ARRB1: variants seen among roughly 807,000 people sequenced by gnomAD.
The protein encoded by ARRB1 is beta-arrestin-1.
In ARRB1, 21 loss-of-function variants were observed where a neutral mutation model predicts 56.8. That is an observed-to-expected ratio of 0.37 (90% CI 0.26 to 0.53). The LOEUF (loss-of-function observed/expected upper bound fraction) is 0.53, where lower values mean the gene tolerates loss of function less well. Among genes scored for constraint, ARRB1 ranks in the 20% least tolerant of loss-of-function variants. The pLI is 0.88. For synonymous variants in ARRB1, 210 were observed against 218.6 expected, an observed-to-expected ratio of 0.96 and a Z score of 0.35; for missense variants, 424 against 553.7, an observed-to-expected ratio of 0.77 and a Z score of 2.35.
At position 75,281,103 on chromosome 11, in the gene ARRB1, C is replaced by G; in HGVS notation, c.454G>C (p.Glu152Gln). ...VDYEVKAFCAENLEEKIHKRN... is the reference protein window; with the variant it reads ...VDYEVKAFCAQNLEEKIHKRN... ...TTGTGGATCTTCTCCTCCAAATTCT[C>G]CGCGCAGAAGGCTTTGACTTCATAG... Residue 152 changes from glutamate (E) to glutamine (Q), a missense_variant, in exon 7 of 16, where the codon GAG (glutamate) becomes CAG (glutamine). By Grantham distance (29) the Glu-to-Gln change is conservative (BLOSUM62 2). Transcript: ENST00000420843. 1 of 1,603,600 alleles carries G rather than the reference C, an allele frequency of 6.2e-7. No homozygotes were observed. Among genetic ancestry groups the G allele is most frequent in the Non-Finnish European group, 8.5e-7 (1 of 1,174,866 alleles).
chr11:75,342,233 C>G (rs1335680225), intron 1 of ARRB1, among the ~76,000 whole-genome samples: 1 of 152,182 alleles, frequency 6.6e-6, no homozygotes, highest in Admixed American at 6.5e-5. Flanking sequence ...CTCACCTTCC[C>G]TCTGCACTTC....
At chr11:75,303,507 C>G in intron 1 of ARRB1, 1 of 451,712 alleles carries the variant, frequency 2.2e-6, no homozygotes, top group Non-Finnish European at 4.5e-6. Context: ...CCCTTGCTCC[C>G]TCCTTTGCTT....
chr11:75,322,147 G>A lies in ARRB1; in HGVS notation c.20+29441C>T, dbSNP rs73490797. On this transcript the variant is annotated intron_variant, in intron 1 of 15. Coordinates refer to ENST00000420843, the MANE Select transcript of ARRB1 (RefSeq NM_004041.5). ...AGTCTTCCCCAAGAAAGTGACATCC[G>A]GGCTAAGAGTTGAAGAAGCAGCAGT... Among the ~76,000 whole-genome samples, 1,272 of 152,334 alleles carry A rather than the reference G, an allele frequency of 8.4e-3. 21 individuals are homozygous for A. The highest frequency in any genetic ancestry group is 0.029 in the African/African-American group (1,211 of 41,570).
chr11:75,343,190 A>T (rs1267295385), intron 1 of ARRB1, among the ~76,000 whole-genome samples: 1 of 152,148 alleles, frequency 6.6e-6, no homozygotes, highest in Admixed American at 6.5e-5. Flanking sequence ...ACCAGGACCT[A>T]TGCAGGGAGG....
At chr11:75,347,994 C>T (rs897351048) in intron 1 of ARRB1, among the ~76,000 whole-genome samples, 1 of 152,206 alleles carries the variant, frequency 6.6e-6, no homozygotes, top group Non-Finnish European at 1.5e-5. Flanking sequence ...TTCCCATCCA[C>T]CCTACTTGGC....
In ARRB1 at chr11:75,269,265, G is replaced by GT. The variant is rs1591888622; in HGVS notation, c.1023-307dup. 15 of 588,998 alleles carry GT rather than the reference G, an allele frequency of 2.5e-5. No homozygotes were observed. In the East Asian group the frequency reaches 5.7e-4, roughly 22 times the overall value. 36.5% of individuals were successfully genotyped at this position (588,998 alleles called of 1,614,324 possible). ...AGGATTGCCCGGGGCAGCATGCACC[G>GT]TGGTCACTGCGGGGCTCCAGAGGTG... On this transcript the variant is annotated intron_variant, in intron 13 of 15. Coordinates refer to ENST00000420843, the MANE Select transcript of ARRB1 (RefSeq NM_004041.5).
intron 9 of ARRB1, 39 bp downstream of exon 9, chr11:75,277,325 C>T (rs961868592): frequency 6.3e-7 from 1 of 1,589,774 alleles, no homozygotes; most frequent in East Asian, 2.2e-5. Flanking sequence ...GGAAGATTGC[C>T]TCTCGCTGTC....
rs1312825176 is a variant in ARRB1 at position 75,263,720 on chromosome 11, G to A, written c.*2443C>T. On this transcript the variant is annotated 3_prime_UTR_variant, in exon 16 of 16. Transcript: ENST00000420843. ...TTCAACTAAATTTGGCCATTGCCTT[G>A]TGCAGTCCTGGCTCCAGGAGAAAAA... 6.7e-6 allele frequency among the ~76,000 whole-genome samples: 1 copy of A among 150,204 alleles called. No homozygotes were observed. Among genetic ancestry groups the A allele is most frequent in the Non-Finnish European group, 1.5e-5 (1 of 67,834 alleles).
chr11:75,305,405 C>A (rs1402112866), intron 1 of ARRB1, among the ~76,000 whole-genome samples: 2 of 151,990 alleles, frequency 1.3e-5, no homozygotes, highest in Non-Finnish European at 2.9e-5. Context: ...ACTATCATAC[C>A]CTCAAGGGTA....
intron 7 of ARRB1, among the ~76,000 whole-genome samples, chr11:75,279,291 C>T (rs1221950839): frequency 4.6e-5 from 7 of 151,942 alleles, no homozygotes; most frequent in Non-Finnish European, 8.8e-5. Context: ...CTTGGGGAGG[C>T]GTTGGGGTTC....
chr11:75,292,733 G>C (rs973731180), intron 1 of ARRB1, among the ~76,000 whole-genome samples: 1 of 152,148 alleles, frequency 6.6e-6, no homozygotes, highest in Non-Finnish European at 1.5e-5. Flanking sequence ...TGGAAGGAGC[G>C]AGACACCCTG....
At chr11:75,275,138 T>TTTTATTTTATTTTAC (rs1434775091) in intron 10 of ARRB1, among the ~76,000 whole-genome samples, 7 of 148,626 alleles carry the variant, frequency 4.7e-5, no homozygotes, top group African/African-American at 1.7e-4. Flanking sequence ...TTTTATTTTA[T>TTTTATTTTATTTTAC]TTTATTTTAT....
rs770989128 is a variant in ARRB1 at position 75,329,088 on chromosome 11, CTTTT to C, written c.20+22496_20+22499del. ...GGGACCATTCCTTCCTGCTGTGTAA[CTTTT>C]TTTTTTTTTTTTTTTTTTTGAGACA... On this transcript the variant is annotated intron_variant, in intron 1 of 15. Transcript: ENST00000420843. 4.2e-3 allele frequency among the ~76,000 whole-genome samples: 431 copies of C among 103,662 alleles called. 4 individuals carry two copies. Among genetic ancestry groups the C allele is most frequent in the African/African-American group, 0.014 (387 of 26,748 alleles). 68.0% of individuals were successfully genotyped at this position (103,662 alleles called of 152,430 possible).
At chr11:75,344,014 A>G (rs1390256498) in intron 1 of ARRB1, among the ~76,000 whole-genome samples, 2 of 152,058 alleles carry the variant, frequency 1.3e-5, no homozygotes, top group Non-Finnish European at 2.9e-5. Flanking sequence ...ACAAGGTTTC[A>G]CCGTGTTAGC....
chr11:75,298,754 C>A (rs79040257), intron 1 of ARRB1, among the ~76,000 whole-genome samples: 10,012 of 150,390 alleles, frequency 0.067, 1,100 homozygotes, highest in African/African-American at 0.23. Flanking sequence ...CAGCATTATT[C>A]AAAATAGCCA....
chr11:75,272,610 A>G (rs1471749393), intron 12 of ARRB1, among the ~76,000 whole-genome samples: 1 of 152,110 alleles, frequency 6.6e-6, no homozygotes, highest in Non-Finnish European at 1.5e-5. Context: ...TCCCCTGGGC[A>G]TGGCCAATCC....
At chr11:75,284,380 C>G in intron 3 of ARRB1, 101 bp from the exon 4 acceptor site, 1 of 1,225,924 alleles carries the variant, frequency 8.2e-7, no homozygotes, top group Non-Finnish European at 1.1e-6. Flanking sequence ...ATCTGTTCAT[C>G]TAAAATCATC....
chr11:75,287,994 C>T (rs1032541707), intron 2 of ARRB1, among the ~76,000 whole-genome samples: 1 of 152,118 alleles, frequency 6.6e-6, no homozygotes, highest in Non-Finnish European at 1.5e-5. Context: ...TCCTAAGTAG[C>T]TGGGATTACA....
intron 1 of ARRB1, among the ~76,000 whole-genome samples, chr11:75,292,760 C>A (rs1163257184): frequency 6.6e-6 from 1 of 152,128 alleles, no homozygotes; most frequent in Non-Finnish European, 1.5e-5. Context: ...CTGGAAGAGG[C>A]AACTTAAGAA....
Sources: allele counts gnomAD v4.1 joint callset (sites outside exome capture counted in the v4.1 genomes callset), GRCh38; gene constraint gnomAD v4.1.1; transcripts MANE v1.5; gene names NCBI Gene and HGNC (gene_info 2026-07-23, HGNC 2026-07-21).